DGKB: variants seen among roughly 807,000 people sequenced by gnomAD.
DGKB encodes the protein 90 kDa diacylglycerol kinase.
DGKB carries 67 observed loss-of-function variants against 114.3 expected under a neutral mutation model. The ratio of observed to expected loss-of-function variants is 0.59; its 90% CI spans 0.48 to 0.72. The LOEUF (loss-of-function observed/expected upper bound fraction) is 0.72, where lower values mean the gene tolerates loss of function less well. Ranked by LOEUF, DGKB falls within the 30% of genes least tolerant of loss-of-function variation. The pLI is 0.00. For synonymous variants in DGKB, 398 were observed against 323.1 expected (o/e 1.23, Z -2.49); for missense variants, 907 against 975.2 (o/e 0.93, Z 0.93).
chr7:14,691,474 C>T (rs950151930), intron 9 of DGKB, among the ~76,000 whole-genome samples: 2 of 152,110 alleles, frequency 1.3e-5, no homozygotes, highest in African/African-American at 4.8e-5. Context: ...AACACATTAA[C>T]TGCCTACAGA....
At chr7:14,481,849 T>A (rs1783035154) in intron 20 of DGKB, among the ~76,000 whole-genome samples, 1 of 152,164 alleles carries the variant, frequency 6.6e-6, no homozygotes, top group African/African-American at 2.4e-5. Context: ...GAATATTTTG[T>A]TAAAGATTTC....
intron 15 of DGKB, among the ~76,000 whole-genome samples, chr7:14,619,250 T>C (rs907212076): frequency 6.6e-6 from 1 of 151,540 alleles, no homozygotes; most frequent in Admixed American, 6.6e-5. Flanking sequence ...GCTGACACTT[T>C]TATATGTCAA....
chr7:14,600,141 T>C (rs75965117), intron 17 of DGKB, among the ~76,000 whole-genome samples: 225 of 152,270 alleles, frequency 1.5e-3, no homozygotes, highest in African/African-American at 5.1e-3. Context: ...ACGTTCTTGA[T>C]GCATCCACTC....
At chr7:14,684,272 A>G (rs1055430193) in intron 10 of DGKB, among the ~76,000 whole-genome samples, 2 of 151,824 alleles carry the variant, frequency 1.3e-5, no homozygotes, top group African/African-American at 4.9e-5. Context: ...GCTAACGACA[A>G]ACAAACAAAC....
chr7:14,478,599 T>A (rs1275042832), intron 20 of DGKB, among the ~76,000 whole-genome samples: 1 of 151,916 alleles, frequency 6.6e-6, no homozygotes, highest in Non-Finnish European at 1.5e-5. Flanking sequence ...TAAACAAGAG[T>A]TAGAAGGATG....
At chr7:14,177,138 T>A (rs1053637629) in intron 24 of DGKB, among the ~76,000 whole-genome samples, 13 of 152,054 alleles carry the variant, frequency 8.5e-5, no homozygotes, top group Non-Finnish European at 1.9e-4. Flanking sequence ...AAATTCTGGA[T>A]GCCAAAAGAA....
chr7:14,683,099 T>C (rs1821112858), intron 10 of DGKB, among the ~76,000 whole-genome samples: 1 of 152,100 alleles, frequency 6.6e-6, no homozygotes, highest in African/African-American at 2.4e-5. Context: ...ATTAAATCAG[T>C]CCTCACTCAA....
chr7:14,281,941 A>G (rs1195159573), intron 23 of DGKB, among the ~76,000 whole-genome samples: 11 of 136,902 alleles, frequency 8.0e-5, no homozygotes, highest in African/African-American at 3.1e-4. Flanking sequence ...CTAACATCAC[A>G]ATTAAAAGAA....
At chr7:14,828,129 A>G (rs1845940329) in intron 2 of DGKB, among the ~76,000 whole-genome samples, 1 of 152,118 alleles carries the variant, frequency 6.6e-6, no homozygotes, top group Non-Finnish European at 1.5e-5. Context: ...CAGATAAAAT[A>G]AATGCAATTT....
intron 23 of DGKB, among the ~76,000 whole-genome samples, chr7:14,325,335 G>A (rs1041947213): frequency 1.3e-5 from 2 of 152,180 alleles, no homozygotes; most frequent in East Asian, 3.9e-4. Context: ...AGTGCTGTTG[G>A]CCAACACAAT....
intron 20 of DGKB, among the ~76,000 whole-genome samples, chr7:14,526,290 T>G (rs1317319020): frequency 1.3e-5 from 2 of 152,090 alleles, no homozygotes; most frequent in Non-Finnish European, 2.9e-5. Context: ...TTACAAGATG[T>G]TTGGCAATAT....
chr7:14,280,117 A>T (rs1208429722), intron 23 of DGKB, among the ~76,000 whole-genome samples: 1 of 151,418 alleles, frequency 6.6e-6, no homozygotes, highest in Non-Finnish European at 1.5e-5. Context: ...TTTGAAAAAA[A>T]TTTAGAAGAA....
intron 1 of DGKB, among the ~76,000 whole-genome samples, chr7:14,895,426 T>A (rs945515310): frequency 1.3e-5 from 2 of 151,608 alleles, no homozygotes; most frequent in African/African-American, 4.8e-5. Context: ...GTGGTCCTTA[T>A]GCCTCCTGAA....
intron 1 of DGKB, among the ~76,000 whole-genome samples, chr7:14,842,921 G>A (rs1244376217): frequency 6.6e-6 from 1 of 152,122 alleles, no homozygotes; most frequent in Non-Finnish European, 1.5e-5. Flanking sequence ...TTTAATAAAG[G>A]ATTAAGGCCA....
chr7:14,836,610 T>G (rs954053068), intron 2 of DGKB, among the ~76,000 whole-genome samples: 21 of 152,074 alleles, frequency 1.4e-4, no homozygotes, highest in African/African-American at 5.1e-4. Flanking sequence ...AGGGCAGGAG[T>G]GAGAGCTTTC....
At chr7:14,304,847 T>G (rs1340600392) in intron 23 of DGKB, among the ~76,000 whole-genome samples, 1 of 152,166 alleles carries the variant, frequency 6.6e-6, no homozygotes, top group Non-Finnish European at 1.5e-5. Context: ...TATTGACTAT[T>G]TTTGACAATA....
chr7:14,630,174 G>A lies in DGKB; in HGVS notation c.1167+62C>T, dbSNP rs1809427288. The A allele has an allele frequency of 4.6e-6, 5 of 1,096,944 alleles. No homozygotes were observed. In the East Asian group the frequency reaches 8.7e-5, roughly 19 times the overall value. The allele number at this position is 1,096,944 out of a possible 1,614,324, so 68.0% of individuals were successfully genotyped here. ...GAGCCAGCACAAAATGTTCTTTACA[G>A]CAATACAAGATGTATAATGACCTAT... On this transcript the variant is annotated intron_variant, in intron 14 of 25. Coordinates refer to ENST00000402815, the MANE Select transcript of DGKB (RefSeq NM_001350709.2).
chr7:14,948,188 C>G (rs1785985355), intron 1 of DGKB, among the ~76,000 whole-genome samples: 1 of 151,700 alleles, frequency 6.6e-6, no homozygotes, highest in Admixed American at 6.6e-5. Flanking sequence ...CAAATCTTAA[C>G]AGATTTCTTT....
At chr7:14,959,403 T>C (rs1786711312) in intron 1 of DGKB, among the ~76,000 whole-genome samples, 1 of 151,920 alleles carries the variant, frequency 6.6e-6, no homozygotes, top group African/African-American at 2.4e-5. Context: ...ATGTGTGTTT[T>C]ATCCTCAGGG....
Sources: allele counts gnomAD v4.1 joint callset (sites outside exome capture counted in the v4.1 genomes callset), GRCh38; gene constraint gnomAD v4.1.1; transcripts MANE v1.5; gene names NCBI Gene and HGNC (gene_info 2026-07-23, HGNC 2026-07-21).